The following ARSG variants were observed in gnomAD, a reference collection of about 807,000 sequenced individuals.
ARSG encodes the protein arylsulfatase G, also known as ASG.
Under a neutral mutation model 50.5 loss-of-function variants are expected in ARSG, and 37 were observed. The observed-to-expected ratio is 0.73, with a 90% CI of 0.56 to 0.96. ARSG has a LOEUF of 0.96. Ranked by LOEUF, ARSG falls within the 50% of genes least tolerant of loss-of-function variation. The pLI is 0.00. For synonymous variants in ARSG, 225 were observed against 254.6 expected (o/e 0.88, Z 1.11); for missense variants, 629 against 675.3 (o/e 0.93, Z 0.76).
At chr17:68,265,261 T>C (rs1795411084) in intron 1 of ARSG, among the ~76,000 whole-genome samples, 1 of 150,264 alleles carries the variant, frequency 6.7e-6, no homozygotes, top group Admixed American at 6.6e-5. Flanking sequence ...TGGAAGGCCA[T>C]AGTGGGCAGA....
rs1046547647 is a variant in ARSG at position 68,310,600 on chromosome 17, A to G, written c.218+2889A>G. ...TGGGCTAACATTGGTCTGATTGTCC[A>G]GCTCGGATTCTGTCTGCACTGGGCG... On this transcript the variant is annotated intron_variant, in intron 2 of 11. Coordinates refer to ENST00000621439, the MANE Select transcript of ARSG (RefSeq NM_001267727.2). Among the ~76,000 whole-genome samples the G allele has an allele frequency of 3.3e-5, 5 of 152,192 alleles. No individual in the cohort carries two copies. The South Asian group carries it at 1.0e-3, about 32-fold the overall frequency.
At chr17:68,377,247 G>A (rs1319984006) in intron 8 of ARSG, among the ~76,000 whole-genome samples, 1 of 152,216 alleles carries the variant, frequency 6.6e-6, no homozygotes, top group East Asian at 1.9e-4. Context: ...CCCGAGGCCA[G>A]CCAGCAATGG....
At chr17:68,274,168 T>C (rs782275721) in intron 1 of ARSG, 1 of 1,338,978 alleles carries the variant, frequency 7.5e-7, no homozygotes, top group Non-Finnish European at 1.0e-6. Context: ...GGAGAGATGA[T>C]GTCGAATATA....
chr17:68,340,091 G>T (rs960795795), intron 2 of ARSG, among the ~76,000 whole-genome samples: 1 of 152,216 alleles, frequency 6.6e-6, no homozygotes, highest in African/African-American at 2.4e-5. Flanking sequence ...CTGAAAAGGA[G>T]TGCTTTCTCT....
At chr17:68,431,838 C>T in the ARSG span, among the ~76,000 whole-genome samples, 25 of 23,274 alleles carry the variant, frequency 1.1e-3, no homozygotes, top group African/African-American at 4.8e-3. Context: ...CAGACAGAAA[C>T]GGGAGAGCCT....
At chr17:68,340,141 G>T (rs1389268609) in intron 2 of ARSG, among the ~76,000 whole-genome samples, 2 of 152,144 alleles carry the variant, frequency 1.3e-5, no homozygotes, top group African/African-American at 4.8e-5. Context: ...AAAGTGTCAA[G>T]ATGAATGTTT....
chr17:68,284,624 A>G (rs1020159314), intron 1 of ARSG, among the ~76,000 whole-genome samples: 1 of 152,188 alleles, frequency 6.6e-6, no homozygotes, highest in Non-Finnish European at 1.5e-5. Context: ...CTGGTTTTCT[A>G]TTTTTAAAAT....
intron 9 of ARSG, among the ~76,000 whole-genome samples, chr17:68,389,531 A>T (rs1033880839): frequency 5.9e-5 from 9 of 152,058 alleles, no homozygotes; most frequent in Admixed American, 1.3e-4. Context: ...AGTTAAAACT[A>T]AATGCAGAAA....
chr17:68,274,222 T>C (rs2075437966), intron 1 of ARSG: 2 of 738,352 alleles, frequency 2.7e-6, no homozygotes, highest in African/African-American at 3.5e-5. Context: ...TCCCAGCACT[T>C]TGGGAGGTTG....
chr17:68,367,335 G>A lies in ARSG; in HGVS notation c.705-1213G>A, dbSNP rs1364593593. ...GAGGGCACAGTTGGCTATAGAGCAA[G>A]GCTGTAAGGTGGTGTAAACCAGGGT... On this transcript the variant is annotated intron_variant, in intron 6 of 11. Transcript: ENST00000621439. The surrounding 1 kb of genome is among the most constrained non-coding windows in gnomAD (Gnocchi z 4.5). Among the ~76,000 whole-genome samples the A allele has an allele frequency of 6.6e-6, 1 of 152,212 alleles. No individual in the cohort carries two copies. Among genetic ancestry groups the A allele is most frequent in the Non-Finnish European group, 1.5e-5 (1 of 68,024 alleles).
chr17:68,282,707 G>A (rs1449243712), intron 1 of ARSG, among the ~76,000 whole-genome samples: 3 of 149,328 alleles, frequency 2.0e-5, no homozygotes, highest in Non-Finnish European at 4.4e-5. Flanking sequence ...ACTTTGGGAG[G>A]CCGAGATGGG....
At chr17:68,439,634 T>C in the ARSG span, among the ~76,000 whole-genome samples, 7 of 152,206 alleles carry the variant, frequency 4.6e-5, no homozygotes, top group Non-Finnish European at 1.0e-4. Flanking sequence ...GTGAATTTTA[T>C]CTCAAAAAAG....
chr17:68,375,829 C>T (rs768061336), intron 8 of ARSG, among the ~76,000 whole-genome samples: 11 of 152,124 alleles, frequency 7.2e-5, no homozygotes, highest in Non-Finnish European at 1.3e-4. Flanking sequence ...GAGTTTGTGG[C>T]GACCAAGGAG....
intron 2 of ARSG, among the ~76,000 whole-genome samples, chr17:68,312,219 C>T (rs1008345927): frequency 6.6e-5 from 10 of 152,116 alleles, no homozygotes; most frequent in Non-Finnish European, 5.9e-5. Flanking sequence ...TGTTCTTTCC[C>T]GCTTATATTC....
intron 6 of ARSG, among the ~76,000 whole-genome samples, chr17:68,358,822 G>A (rs952799688): frequency 6.6e-6 from 1 of 151,910 alleles, no homozygotes; most frequent in Non-Finnish European, 1.5e-5. Flanking sequence ...AGCCATAATG[G>A]TGCCACCGTA....
intron 2 of ARSG, among the ~76,000 whole-genome samples, chr17:68,321,812 A>G (rs1017788089): frequency 1.2e-4 from 19 of 152,166 alleles, no homozygotes; most frequent in African/African-American, 2.4e-5. Flanking sequence ...GCTTTGCTTT[A>G]CAATGTATTT....
At chr17:68,273,407 G>T (rs1555749771) in intron 1 of ARSG, among the ~76,000 whole-genome samples, 1 of 152,066 alleles carries the variant, frequency 6.6e-6, no homozygotes, top group Non-Finnish European at 1.5e-5. Flanking sequence ...TTTTTGTAGA[G>T]ATGGAGTCTC....
rs527820679 is a variant in ARSG at position 68,360,655 on chromosome 17, G to C, written c.704+3851G>C. Among the ~76,000 whole-genome samples the C allele has an allele frequency of 4.7e-4, 71 of 152,334 alleles. No homozygotes were observed. In the South Asian group the frequency reaches 0.015, roughly 32 times the overall value. ...GCAGGCAAATCTCTGAATGGGAAAA[G>C]GAGCCGGTAGAAGGCATGACTCCTG... On this transcript the variant is annotated intron_variant, in intron 6 of 11. Transcript: ENST00000621439.
intron 9 of ARSG, among the ~76,000 whole-genome samples, chr17:68,390,909 G>A (rs1043339502): frequency 6.8e-6 from 1 of 146,448 alleles, no homozygotes; most frequent in African/African-American, 2.5e-5. Context: ...TTACAACTGT[G>A]AGCCACTGTG....
Sources: gnomAD v4.1 joint callset for allele counts (sites outside exome capture counted in the v4.1 genomes callset) on GRCh38, gnomAD v4.1.1 for gene constraint, Gnocchi (gnomAD v3.1) non-coding constraint, MANE v1.5 for transcripts, NCBI Gene and HGNC (gene_info 2026-07-23, HGNC 2026-07-21) for gene names.